The following CARHSP1 variants were observed in gnomAD, a reference collection of about 807,000 sequenced individuals.
The protein encoded by CARHSP1 is calcium regulated heat stable protein 1.
Under a neutral mutation model 12.5 loss-of-function variants are expected in CARHSP1, and 14 were observed. That is an observed-to-expected ratio of 1.12 (90% CI 0.74 to 1.75). The LOEUF is 1.75. Among genes scored for constraint, CARHSP1 ranks in the 40% most tolerant of loss-of-function variants. CARHSP1 has a pLI of 0.00. For missense variants in CARHSP1, 343 were observed against 201.6 expected (o/e 1.70, Z -4.25); for synonymous variants, 161 against 82.0 (o/e 1.96, Z -5.20).
intron 1 of CARHSP1, chr16:8,861,693 G>T (rs530597665): frequency 5.4e-6 from 7 of 1,288,944 alleles, no homozygotes; most frequent in African/African-American, 4.5e-5. Flanking sequence ...AGCTACAGCC[G>T]CGGCCAAGGA....
In CARHSP1 at chr16:8,862,545, G is replaced by A. The variant is rs528282266; in HGVS notation, c.-7-3210C>T. The stretch of plus-strand genomic sequence containing the variant: ...TTACAGATCCCAAAAGGGCTGTAAA[G>A]AAACAGACAGAAGGGGATAGGGGGA... On this transcript the variant is annotated intron_variant, in intron 1 of 3. Coordinates refer to ENST00000311052, the MANE Select transcript of CARHSP1 (RefSeq NM_014316.4). 2.0e-5 allele frequency among the ~76,000 whole-genome samples: 3 copies of A among 152,026 alleles called. No homozygotes were observed. The South Asian group carries it at 6.2e-4, about 32-fold the overall frequency.
At chr16:8,861,416 GC>G (rs758496321) in intron 1 of CARHSP1, among the ~76,000 whole-genome samples, 1 of 151,164 alleles carries the variant, frequency 6.6e-6, no homozygotes, top group East Asian at 2.0e-4. Context: ...ACCTCAGTTT[GC>G]CCCCCCAGTC....
chr16:8,862,741 G>A (rs567645490), intron 1 of CARHSP1, among the ~76,000 whole-genome samples: 1 of 152,334 alleles, frequency 6.6e-6, no homozygotes, highest in East Asian at 1.9e-4. Context: ...CATGTGATGG[G>A]TGGGGGACTA....
chr16:8,859,258 G>C lies in CARHSP1; in HGVS notation c.71C>G (p.Pro24Arg), dbSNP rs749783219. 8 of 1,602,730 alleles carry C rather than the reference G, an allele frequency of 5.0e-6. No homozygotes were observed. Among genetic ancestry groups the C allele is most frequent in the Non-Finnish European group, 5.9e-6 (7 of 1,177,298 alleles). Residue 24 changes from proline to arginine, a missense_variant, in exon 2 of 4, where the codon CCT becomes CGT. By Grantham distance (103) the Pro-to-Arg change is moderately radical. Transcript: ENST00000311052. ...HQASVGLLDT[P>R]RSRERSPSPL... ...GGATGGTGAGCGCTCACGGCTCCGAGGGGTGTCCAGCAGCCCGACTGAAGC... is the reference window on the plus strand; with the variant it reads ...GGATGGTGAGCGCTCACGGCTCCGACGGGTGTCCAGCAGCCCGACTGAAGC...
intron 1 of CARHSP1, chr16:8,866,465 T>C (rs909032203): frequency 2.0e-6 from 2 of 985,386 alleles, no homozygotes; most frequent in Non-Finnish European, 1.2e-6. Context: ...ACAGAGACAC[T>C]GAGCTGACCC....
chr16:8,862,262 G>C (rs535657669), intron 1 of CARHSP1, among the ~76,000 whole-genome samples: 1 of 151,884 alleles, frequency 6.6e-6, no homozygotes, highest in Non-Finnish European at 1.5e-5. Flanking sequence ...TCCACATCTG[G>C]AAAATGGGAA....
In CARHSP1 at chr16:8,859,227, C is replaced by G; in HGVS notation, c.102G>C (p.Leu34=). 6.2e-7 allele frequency: 1 copy of G among 1,601,180 alleles called. No homozygotes were observed. The highest frequency in any genetic ancestry group is 8.5e-7 in the Non-Finnish European group (1 of 1,176,266). ...PRSRERSPSP[L]RGNVVPSPLP... is the part of the protein sequence containing the mutation. ...GTGGGCTTGGGACCACGTTGCCCCG[C>G]AGAGGGGATGGTGAGCGCTCACGGC... is the stretch of plus-strand genomic sequence containing the variant. The change falls in exon 2 of 4, where the codon CTG becomes CTC. Residue 34 remains leucine (L), a synonymous_variant. Coordinates refer to ENST00000311052, the MANE Select transcript of CARHSP1 (RefSeq NM_014316.4).
Position 8,853,270 on chromosome 16 carries a change from TG to T in CARHSP1, c.*1893del, listed in dbSNP as rs1255669880. ...AGTGAAAGCCCTCTCGGGTCTTGGCTGTGGAAGTGTGGACTGTACCAGCAGA... is the reference window on the plus strand; with the variant it reads ...AGTGAAAGCCCTCTCGGGTCTTGGCTTGGAAGTGTGGACTGTACCAGCAGA... On this transcript the variant is annotated 3_prime_UTR_variant, in exon 4 of 4. Transcript: ENST00000311052. The T allele has an allele frequency of 6.6e-6, 1 of 152,108 alleles. No individual in the cohort carries two copies. The highest frequency in any genetic ancestry group is 1.5e-5 in the Non-Finnish European group (1 of 68,078). The allele number at this position is 152,108 out of a possible 1,614,324, so 9.4% of individuals were successfully genotyped here.
rs549077171 is a variant in CARHSP1 at position 8,854,067 on chromosome 16, G to C, written c.*1097C>G. The C allele has an allele frequency of 2.0e-5, 3 of 152,216 alleles. No individual in the cohort carries two copies. The highest frequency in any genetic ancestry group is 2.0e-4 in the Admixed American group (3 of 15,286). The allele number at this position is 152,216 out of a possible 1,614,324, so 9.4% of individuals were successfully genotyped here. Reference sequence around the variant, plus strand: ...CCACTGCACTCCAGCCTGGGTGACAGAATGAGACTCAGTCTCCCACCCTGC... The same window carrying C: ...CCACTGCACTCCAGCCTGGGTGACACAATGAGACTCAGTCTCCCACCCTGC... On this transcript the variant is annotated 3_prime_UTR_variant, in exon 4 of 4. Coordinates refer to ENST00000311052, the MANE Select transcript of CARHSP1 (RefSeq NM_014316.4).
intron 1 of CARHSP1, among the ~76,000 whole-genome samples, chr16:8,860,670 G>C (rs568311321): frequency 3.3e-5 from 5 of 152,096 alleles, no homozygotes; most frequent in East Asian, 1.9e-4. Flanking sequence ...AACTAACTCA[G>C]GACGCCACTC....
At chr16:8,861,295 A>AGGCATGAACCACCATGCCC (rs2061347423) in intron 1 of CARHSP1, among the ~76,000 whole-genome samples, 1 of 148,546 alleles carries the variant, frequency 6.7e-6, no homozygotes, top group East Asian at 2.0e-4. Flanking sequence ...CTAGGATTAC[A>AGGCATGAACCACCATGCCC]GGCATGAACC....
At chr16:8,855,869 C>T (rs766647041) in intron 3 of CARHSP1, among the ~76,000 whole-genome samples, 6 of 152,170 alleles carry the variant, frequency 3.9e-5, no homozygotes, top group Non-Finnish European at 2.9e-5. Context: ...GTTGCCCAGG[C>T]TGGAGTGCAG....
intron 1 of CARHSP1, among the ~76,000 whole-genome samples, chr16:8,862,209 G>C (rs1373782543): frequency 2.0e-5 from 3 of 151,750 alleles, no homozygotes; most frequent in Non-Finnish European, 4.4e-5. Context: ...CTTGCCTGCT[G>C]TGTGGTCTTG....
chr16:8,859,211 G>C lies in CARHSP1; in HGVS notation c.118C>G (p.Pro40Ala), dbSNP rs2141098514. Residue 40 changes from proline (P) to alanine (A), a missense_variant, in exon 2 of 4, where the codon CCA (proline) becomes GCA (alanine). Physicochemically the swap from Pro to Ala is conservative, Grantham distance 27. Transcript: ENST00000311052. ...SPSPLRGNVV[P>A]SPLPTRRTRT... The stretch of plus-strand genomic sequence containing the variant: ...GTCCGGCGAGTGGGCAGTGGGCTTG[G>C]GACCACGTTGCCCCGCAGAGGGGAT... The C allele has an allele frequency of 6.2e-7, 1 of 1,604,116 alleles. No individual in the cohort carries two copies. Among genetic ancestry groups the C allele is most frequent in the Non-Finnish European group, 8.5e-7 (1 of 1,176,790 alleles).
intron 3 of CARHSP1, among the ~76,000 whole-genome samples, chr16:8,857,000 G>C (rs569080112): frequency 3.9e-5 from 6 of 152,174 alleles, no homozygotes; most frequent in African/African-American, 1.4e-4. Context: ...GAGCAAAGGG[G>C]CAGGACAGCC....
intron 1 of CARHSP1, among the ~76,000 whole-genome samples, chr16:8,864,818 T>A (rs568436720): frequency 6.6e-6 from 1 of 152,176 alleles, no homozygotes; most frequent in Non-Finnish European, 1.5e-5. Flanking sequence ...GAAAATAGCC[T>A]GGGAATTTTC....
At chr16:8,864,548 G>A (rs1211017400) in intron 1 of CARHSP1, among the ~76,000 whole-genome samples, 2 of 152,206 alleles carry the variant, frequency 1.3e-5, no homozygotes, top group African/African-American at 4.8e-5. Flanking sequence ...GCCCAGGGTC[G>A]CCCGGCTAAC....
rs746174719 is a variant in CARHSP1 at position 8,858,414 on chromosome 16, A to C, written c.217T>G (p.Ser73Ala). 5.0e-6 allele frequency: 8 copies of C among 1,614,032 alleles called. No homozygotes were observed. In the South Asian group the frequency reaches 5.5e-5, roughly 11 times the overall value. Residue 73 changes from serine (S) to alanine (A), a missense_variant, in exon 3 of 4, where the codon TCC (serine) becomes GCC (alanine). By Grantham distance (99) the Ser-to-Ala change is moderately conservative (BLOSUM62 1). Transcript: ENST00000311052. ...GGAGTAATGAAGCCATGGCCCTTGG[A>C]CCGGCAGAAGCATTTGCAGACTCCT... is the stretch of plus-strand genomic sequence containing the variant. Reference protein sequence around the residue: ...YKGVCKCFCRSKGHGFITPAD... With the variant: ...YKGVCKCFCRAKGHGFITPAD...
At chr16:8,861,456 A>C (rs2061352225) in intron 1 of CARHSP1, among the ~76,000 whole-genome samples, 3 of 150,962 alleles carry the variant, frequency 2.0e-5, no homozygotes, top group Non-Finnish European at 3.0e-5. Flanking sequence ...TTCAACCTAC[A>C]TCACCCAAAA....
Sources: gnomAD v4.1 joint callset for allele counts (sites outside exome capture counted in the v4.1 genomes callset) on GRCh38, gnomAD v4.1.1 for gene constraint, MANE v1.5 for transcripts, NCBI Gene and HGNC (gene_info 2026-07-23, HGNC 2026-07-21) for gene names.